LAMA1: variants seen among roughly 807,000 people sequenced by gnomAD.
The protein encoded by LAMA1 is laminin subunit alpha 1, also known as laminin subunit alpha-1.
LAMA1 carries 219 observed loss-of-function variants against 348.7 expected under a neutral mutation model. The observed-to-expected ratio is 0.63, with a 90% CI of 0.56 to 0.70. LAMA1 has a LOEUF of 0.70. Among genes scored for constraint, LAMA1 ranks in the 30% least tolerant of loss-of-function variants. The pLI is 0.00. For synonymous variants in LAMA1, 1,487 were observed against 1,491.0 expected (o/e 1.00, Z 0.06); for missense variants, 3,744 against 3,888.0 (o/e 0.96, Z 0.99).
intron 1 of LAMA1, among the ~76,000 whole-genome samples, chr18:7,089,638 C>T (rs1210508826): frequency 6.6e-6 from 1 of 152,226 alleles, no homozygotes; most frequent in South Asian, 2.1e-4. Flanking sequence ...CCTCAATAAA[C>T]CCCCTGTTGC....
At chr18:6,978,633 T>C (rs2057694472) in intron 42 of LAMA1, among the ~76,000 whole-genome samples, 1 of 152,170 alleles carries the variant, frequency 6.6e-6, no homozygotes, top group Admixed American at 6.5e-5. Flanking sequence ...ACAAATGAAA[T>C]AATTTTTGTT....
chr18:6,957,161 C>A (rs2057583143), intron 55 of LAMA1: 2 of 312,350 alleles, frequency 6.4e-6, no homozygotes, highest in Admixed American at 4.4e-5. Flanking sequence ...CGTGCTTCCC[C>A]TTGCCAGGAG....
chr18:6,998,259 G>A (rs970343679), intron 32 of LAMA1, among the ~76,000 whole-genome samples: 1 of 152,174 alleles, frequency 6.6e-6, no homozygotes, highest in Non-Finnish European at 1.5e-5. Context: ...GCAGGGGGAA[G>A]AGGGGTGAAC....
At chr18:6,949,887 G>A (rs1325317070) in intron 58 of LAMA1, among the ~76,000 whole-genome samples, 1 of 152,158 alleles carries the variant, frequency 6.6e-6, no homozygotes, top group Admixed American at 6.5e-5. Context: ...ACCAGCCATT[G>A]TTTCTCCTGC....
At chr18:7,084,672 C>T (rs1037033921) in intron 1 of LAMA1, among the ~76,000 whole-genome samples, 9 of 152,158 alleles carry the variant, frequency 5.9e-5, no homozygotes, top group Non-Finnish European at 1.0e-4. Context: ...TTTTTAAACC[C>T]TTTCTGTACA....
intron 1 of LAMA1, among the ~76,000 whole-genome samples, chr18:7,100,316 T>C (rs1285607315): frequency 6.6e-6 from 1 of 152,168 alleles, no homozygotes; most frequent in East Asian, 1.9e-4. Context: ...AGATACCACT[T>C]TGAACTCACT....
chr18:7,018,630 T>C lies in LAMA1; in HGVS notation c.2702-1246A>G, dbSNP rs773708001. Among the ~76,000 whole-genome samples, 9 of 152,112 alleles carry C rather than the reference T, an allele frequency of 5.9e-5. No individual in the cohort carries two copies. In the South Asian group the frequency reaches 6.2e-4, roughly 11 times the overall value. On this transcript the variant is annotated intron_variant, in intron 19 of 62. Coordinates refer to ENST00000389658, the MANE Select transcript of LAMA1 (RefSeq NM_005559.4). Reference sequence around the variant, plus strand: ...CAGGATGGTCTCGATCTCCTGACCTTGTGATCTGCCCGCCTCGGCCTTCCA... The same window carrying C: ...CAGGATGGTCTCGATCTCCTGACCTCGTGATCTGCCCGCCTCGGCCTTCCA...
At chr18:7,048,144 A>AATAT (rs1327760965) in intron 5 of LAMA1, among the ~76,000 whole-genome samples, 1 of 152,230 alleles carries the variant, frequency 6.6e-6, no homozygotes, top group Non-Finnish European at 1.5e-5. Context: ...TCGTATACAA[A>AATAT]ATATATAAAA....
At chr18:7,026,461 G>C (rs958144303) in intron 16 of LAMA1, among the ~76,000 whole-genome samples, 1 of 152,180 alleles carries the variant, frequency 6.6e-6, no homozygotes, top group African/African-American at 2.4e-5. Context: ...TGGTCTCACA[G>C]TGTCCGCCTC....
Position 7,049,155 on chromosome 18 carries a change from T to C in LAMA1, c.691A>G (p.Ile231Val), listed in dbSNP as rs754973098. The C allele has an allele frequency of 8.7e-6, 14 of 1,614,058 alleles. No individual in the cohort carries two copies. Among genetic ancestry groups the C allele is most frequent in the Non-Finnish European group, 1.1e-5 (13 of 1,180,022 alleles). The change falls in exon 5 of 63, where the codon ATT becomes GTT. Residue 231 changes from isoleucine to valine, a missense_variant. Ile to Val is a conservative substitution (Grantham distance 29, BLOSUM62 3). This residue lies in a region of LAMA1 where 1,529 missense variants were observed against 1,689.4 expected (regional missense o/e 0.91). Transcript: ENST00000389658. Reference protein sequence around the residue: ...ARYIRLRLQRIRTLNADLMTL... With the variant: ...ARYIRLRLQRVRTLNADLMTL... ...ATGAGATCTGCATTGAGCGTTCTAA[T>C]GCGTTGCAAGCGAAGGCGAATATAT...
chr18:7,015,703 C>T lies in LAMA1; in HGVS notation c.3126+19G>A, dbSNP rs369112310. The T allele has an allele frequency of 4.3e-6, 7 of 1,612,892 alleles. No individual in the cohort carries two copies. The highest frequency in any genetic ancestry group is 2.2e-5 in the East Asian group (1 of 44,876). On this transcript the variant is annotated intron_variant, in intron 22 of 62. Transcript: ENST00000389658. ...AAAGCAACTCTCAGTTAAGCAAGAG[C>T]GTGGATGACAGTGCTCACCTGGCAC... is the stretch of plus-strand genomic sequence containing the variant.
At chr18:6,991,775 A>G (rs1410375524) in intron 36 of LAMA1, among the ~76,000 whole-genome samples, 2 of 152,238 alleles carry the variant, frequency 1.3e-5, no homozygotes, top group Admixed American at 6.5e-5. Context: ...TAAATATTTG[A>G]TATTTCAATA....
chr18:7,117,344 G>A (rs2058361559), intron 1 of LAMA1, among the ~76,000 whole-genome samples: 1 of 151,358 alleles, frequency 6.6e-6, no homozygotes, highest in Admixed American at 6.6e-5. Flanking sequence ...GCCACCCCCA[G>A]CACTGCTCGC....
At chr18:7,025,452 C>A (rs558179754) in intron 17 of LAMA1, among the ~76,000 whole-genome samples, 85 of 152,334 alleles carry the variant, frequency 5.6e-4, no homozygotes, top group African/African-American at 2.0e-3. Flanking sequence ...CAGTCACGAC[C>A]ACACTGAGTC....
At chr18:6,986,373 G>A in intron 36 of LAMA1, 26 bp from the exon 37 acceptor site, 1 of 1,599,262 alleles carries the variant, frequency 6.3e-7, no homozygotes, top group Non-Finnish European at 8.6e-7. Context: ...GGTTCACATA[G>A]TAAGTAAATG....
intron 33 of LAMA1, among the ~76,000 whole-genome samples, chr18:6,997,313 T>C (rs1373359473): frequency 1.3e-5 from 2 of 152,180 alleles, no homozygotes; most frequent in Admixed American, 6.5e-5. Flanking sequence ...CCACCCGCCT[T>C]GGCCCCCCAA....
In LAMA1 at chr18:7,036,042, A is replaced by G. The variant is rs374756793; in HGVS notation, c.1784T>C (p.Ile595Thr). ...GFLKYTVSYD[I>T]PVETVDSNLM... is the part of the protein sequence containing the mutation. ...GTTACTGTCTACCGTCTCTACCGGA[A>G]TATCGTAGGACACCGTGTATTTCAG... Residue 595 changes from isoleucine (I) to threonine (T), a missense_variant, in exon 13 of 63, where the codon ATT becomes ACT. By Grantham distance (89) the Ile-to-Thr change is moderately conservative. Transcript: ENST00000389658. The G allele has an allele frequency of 7.0e-4, 1,129 of 1,614,242 alleles. 15 individuals carry two copies. The South Asian group carries it at 0.012, about 17-fold the overall frequency.
At chr18:7,038,677 C>A (rs2058006942) in intron 11 of LAMA1, 133 bp downstream of exon 11, 5 of 1,228,880 alleles carry the variant, frequency 4.1e-6, no homozygotes, top group South Asian at 2.4e-5. Context: ...CTTTGACCCA[C>A]GTCAGTATCA....
intron 36 of LAMA1, 68 bp from the exon 37 acceptor site, chr18:6,986,415 T>C: frequency 6.8e-7 from 1 of 1,475,454 alleles, no homozygotes; most frequent in South Asian, 1.1e-5. Flanking sequence ...GAAATAATAG[T>C]GGAAAAAATT....
Sources: allele counts gnomAD v4.1 joint callset (sites outside exome capture counted in the v4.1 genomes callset), GRCh38; gene constraint gnomAD v4.1.1; regional missense constraint gnomAD v4.1.1; transcripts MANE v1.5; gene names NCBI Gene and HGNC (gene_info 2026-07-23, HGNC 2026-07-21).